Variants in REDIC1 observed in about 807,000 individuals in gnomAD.
REDIC1 encodes regulator of DNA class I crossover intermediates 1, also known as HEI10 Interacting Protein 1.
chr12:39,626,828 A>C, the REDIC1 span, among the ~76,000 whole-genome samples: 1 of 152,238 alleles, frequency 6.6e-6, no homozygotes, highest in Admixed American at 6.5e-5. Context: ...CCATAAATCC[A>C]AATTGTAGTT....
the REDIC1 span, among the ~76,000 whole-genome samples, chr12:39,711,285 T>A: frequency 6.7e-6 from 1 of 148,886 alleles, no homozygotes; most frequent in Admixed American, 6.8e-5. Context: ...ATCACATATA[T>A]AGTGTATATA....
chr12:39,835,937 T>G, the REDIC1 span, among the ~76,000 whole-genome samples: 1 of 152,150 alleles, frequency 6.6e-6, no homozygotes, highest in Non-Finnish European at 1.5e-5. Context: ...GCCTGGTTTT[T>G]AAATTGCCAC....
At chr12:39,750,727 G>A in the REDIC1 span, among the ~76,000 whole-genome samples, 3 of 152,212 alleles carry the variant, frequency 2.0e-5, no homozygotes, top group African/African-American at 7.2e-5. Context: ...TAGAACAATG[G>A]AACAGAACAG....
the REDIC1 span, among the ~76,000 whole-genome samples, chr12:39,839,234 C>T: frequency 6.6e-6 from 1 of 151,992 alleles, no homozygotes. Flanking sequence ...CTTGGAGCCT[C>T]GTGAAGGACA....
At chr12:39,829,380 G>A in the REDIC1 span, 1 of 123,868 alleles carries the variant, frequency 8.1e-6, no homozygotes, top group Non-Finnish European at 1.6e-5. Context: ...AGAATGTAAT[G>A]TGATAGTAAT....
At chr12:39,901,922 G>C in the REDIC1 span, among the ~76,000 whole-genome samples, 1 of 152,058 alleles carries the variant, frequency 6.6e-6, no homozygotes, top group Middle Eastern at 3.4e-3. Context: ...ATTCCCAATA[G>C]CAAAGACTTG....
At chr12:39,871,137 G>T in the REDIC1 span, among the ~76,000 whole-genome samples, 7 of 151,938 alleles carry the variant, frequency 4.6e-5, no homozygotes, top group Non-Finnish European at 8.8e-5. Context: ...AAATATGTGG[G>T]TCTCATTCTA....
chr12:39,784,296 G>T, the REDIC1 span, among the ~76,000 whole-genome samples: 715 of 152,242 alleles, frequency 4.7e-3, 3 homozygotes, highest in African/African-American at 0.016. Context: ...AACAAAGCTG[G>T]AGGCATCACG....
the REDIC1 span, among the ~76,000 whole-genome samples, chr12:39,731,410 T>C: frequency 1.3e-5 from 2 of 152,224 alleles, no homozygotes. Context: ...CAGGCCCCTC[T>C]GCTGCAGGTC....
the REDIC1 span, among the ~76,000 whole-genome samples, chr12:39,903,312 A>T: frequency 6.6e-6 from 1 of 152,242 alleles, no homozygotes; most frequent in Non-Finnish European, 1.5e-5. Flanking sequence ...TATCTGACAG[A>T]TTAGCTATTT....
At chr12:39,886,896 C>T in the REDIC1 span, among the ~76,000 whole-genome samples, 1 of 152,070 alleles carries the variant, frequency 6.6e-6, no homozygotes, top group South Asian at 2.1e-4. Flanking sequence ...AACTAAATGC[C>T]AAGTAGTGTC....
the REDIC1 span, among the ~76,000 whole-genome samples, chr12:39,810,214 C>G: frequency 6.6e-6 from 1 of 152,156 alleles, no homozygotes; most frequent in Non-Finnish European, 1.5e-5. Context: ...TTTAATTTCA[C>G]TCGGTAATAT....
At chr12:39,829,186 T>A in the REDIC1 span, among the ~76,000 whole-genome samples, 9 of 151,976 alleles carry the variant, frequency 5.9e-5, no homozygotes, top group Non-Finnish European at 1.2e-4. Context: ...AGTTCATAAA[T>A]CTGGAGAATA....
At chr12:39,692,012 A>G in the REDIC1 span, 4 of 1,503,120 alleles carry the variant, frequency 2.7e-6, no homozygotes, top group African/African-American at 1.4e-5. Flanking sequence ...ATTATTATGT[A>G]TACTTAGGAA....
the REDIC1 span, among the ~76,000 whole-genome samples, chr12:39,902,657 GCTAA>G: frequency 7.8e-4 from 119 of 152,088 alleles, no homozygotes; most frequent in African/African-American, 2.8e-3. Flanking sequence ...AGTGGTAAAG[GCTAA>G]CTTTTTCTTT....
At chr12:39,779,039 A>C in the REDIC1 span, among the ~76,000 whole-genome samples, 1 of 152,206 alleles carries the variant, frequency 6.6e-6, no homozygotes, top group Non-Finnish European at 1.5e-5. Flanking sequence ...TGACAACTAG[A>C]ATATGAGACA....
the REDIC1 span, among the ~76,000 whole-genome samples, chr12:39,778,429 G>T: frequency 6.6e-6 from 1 of 152,040 alleles, no homozygotes; most frequent in South Asian, 2.1e-4. Context: ...TATTCTAGTT[G>T]TCACAAAGGC....
chr12:39,896,435 T>A, the REDIC1 span, among the ~76,000 whole-genome samples: 1 of 143,664 alleles, frequency 7.0e-6, no homozygotes, highest in Admixed American at 7.1e-5. Flanking sequence ...TATATATGTA[T>A]ACATATATGT....
the REDIC1 span, among the ~76,000 whole-genome samples, chr12:39,791,413 AG>A: frequency 7.5e-5 from 3 of 39,806 alleles, no homozygotes; most frequent in African/African-American, 3.0e-4. Context: ...GTATTCAATT[AG>A]GAAAAGAGGA....
Sources: gnomAD v4.1 joint callset for allele counts (sites outside exome capture counted in the v4.1 genomes callset) on GRCh38, gnomAD v4.1.1 for gene constraint, MANE v1.5 for transcripts, NCBI Gene and HGNC (gene_info 2026-07-23, HGNC 2026-07-21) for gene names.